The following POLR1A variants were observed in gnomAD, a reference collection of about 807,000 sequenced individuals.
POLR1A encodes the protein RNA polymerase I subunit A.
Under a neutral mutation model 205.3 loss-of-function variants are expected in POLR1A, and 84 were observed. That is an observed-to-expected ratio of 0.41 (90% CI 0.34 to 0.49). The LOEUF (loss-of-function observed/expected upper bound fraction) is 0.49, where lower values mean the gene tolerates loss of function less well. POLR1A is among the 20% of genes least tolerant of loss of function. POLR1A has a pLI of 0.22. For synonymous variants in POLR1A, 799 were observed against 863.7 expected (o/e 0.93, Z 1.31); for missense variants, 1,645 against 2,204.5 (o/e 0.75, Z 5.08).
Position 86,045,777 on chromosome 2 carries a change from A to T in POLR1A, c.2734-8T>A. On this transcript the variant is annotated splice_region_variant and splice_polypyrimidine_tract_variant and intron_variant, in intron 19 of 33. Coordinates refer to ENST00000263857, the MANE Select transcript of POLR1A (RefSeq NM_015425.6). ...GCCCAGCAGGCACGAGATCTGGAGG[A>T]CAGGAAATCCACAGGAAACTGAAGA... 2 of 1,601,734 alleles carry T rather than the reference A, an allele frequency of 1.2e-6. No homozygotes were observed. Among genetic ancestry groups the T allele is most frequent in the Non-Finnish European group, 1.7e-6 (2 of 1,176,976 alleles).
chr2:86,100,184 A>C lies in POLR1A; in HGVS notation c.78-12T>G, dbSNP rs1673787114. 1 of 1,603,314 alleles carries C rather than the reference A, an allele frequency of 6.2e-7. No individual in the cohort carries two copies. The highest frequency in any genetic ancestry group is 8.5e-7 in the Non-Finnish European group (1 of 1,170,098). On this transcript the variant is annotated splice_polypyrimidine_tract_variant and intron_variant, in intron 1 of 33. Transcript: ENST00000263857. ...TAACACTTAATTTCCTAAGGGGATA[A>C]AAAAGACCAAGAGGAAAGCTAAAGT...
chr2:86,099,295 T>C (rs1673768289), intron 2 of POLR1A, among the ~76,000 whole-genome samples: 1 of 151,366 alleles, frequency 6.6e-6, no homozygotes, highest in African/African-American at 2.4e-5. Context: ...AGGCAGAGGT[T>C]ACAGTGAGCC....
Position 86,045,355 on chromosome 2 carries a change from G to T in POLR1A, c.2892C>A (p.Phe964Leu). ...CTCGTCCTGCCATGCAGTGGAAGAA[G>T]AACTCCTGCAGAGAATGGGACCCAG... ...RFLTGIKPPE[F>L]FFHCMAGREG... is the part of the protein sequence containing the mutation. The change falls in exon 21 of 34, where the codon TTC becomes TTA. Residue 964 changes from phenylalanine to leucine, a missense_variant. Phe to Leu is a conservative substitution (Grantham distance 22, BLOSUM62 0). Around this residue, in one of 16 missense-constraint regions of POLR1A, gnomAD observed 339 missense variants for 415.1 expected, o/e 0.82. Transcript: ENST00000263857. 6.2e-7 allele frequency: 1 copy of T among 1,612,688 alleles called. No individual in the cohort carries two copies. Among genetic ancestry groups the T allele is most frequent in the Non-Finnish European group, 8.5e-7 (1 of 1,178,712 alleles).
chr2:86,065,676 C>A, intron 13 of POLR1A: 1 of 561,608 alleles, frequency 1.8e-6, no homozygotes, highest in South Asian at 2.3e-5. Flanking sequence ...CTACGTTTGC[C>A]ATTTGCCCAC....
chr2:86,086,945 A>G (rs947618427), intron 6 of POLR1A, among the ~76,000 whole-genome samples: 3 of 152,248 alleles, frequency 2.0e-5, no homozygotes, highest in African/African-American at 7.2e-5. Context: ...CCACTCTTAC[A>G]GTGTTAACTA....
At chr2:86,069,622 C>T (rs964837846) in intron 13 of POLR1A, among the ~76,000 whole-genome samples, 2 of 152,214 alleles carry the variant, frequency 1.3e-5, no homozygotes, top group African/African-American at 2.4e-5. Flanking sequence ...TCTTAAAACT[C>T]ATGTTTGTCA....
At chr2:86,085,636 T>C (rs939676713) in intron 6 of POLR1A, among the ~76,000 whole-genome samples, 1 of 152,182 alleles carries the variant, frequency 6.6e-6, no homozygotes, top group Admixed American at 6.5e-5. Flanking sequence ...ATGCCCCCAC[T>C]GCAGTTTAGT....
At chr2:86,079,961 G>A (rs1022708487) in intron 9 of POLR1A, among the ~76,000 whole-genome samples, 5 of 152,168 alleles carry the variant, frequency 3.3e-5, no homozygotes, top group African/African-American at 1.2e-4. Flanking sequence ...CATGGCTGAT[G>A]TCTTTTACAC....
intron 11 of POLR1A, among the ~76,000 whole-genome samples, chr2:86,077,346 G>A (rs941882614): frequency 3.3e-5 from 5 of 152,158 alleles, no homozygotes; most frequent in Admixed American, 6.5e-5. Flanking sequence ...CCTGAGAAGC[G>A]AAACAGGACC....
rs1044732598 is a variant in POLR1A at position 86,093,753 on chromosome 2, C to A, written c.433-3824G>T. 4.6e-5 allele frequency among the ~76,000 whole-genome samples: 7 copies of A among 152,128 alleles called. No homozygotes were observed. In the South Asian group the frequency reaches 1.0e-3, roughly 23 times the overall value. ...GCTGAGGTGGGAGATCGCTTGAACC[C>A]CGGAGGCAGAGGTTGCAGAGAGCCG... On this transcript the variant is annotated intron_variant, in intron 3 of 33. Transcript: ENST00000263857.
In POLR1A at chr2:86,030,205, C is replaced by G; in HGVS notation, c.4770G>C (p.Lys1590Asn). Residue 1590 changes from lysine to asparagine, a missense_variant, in exon 31 of 34, where the codon AAG becomes AAC. Physicochemically the swap from Lys to Asn is moderately conservative, Grantham distance 94. Around this residue, in one of 16 missense-constraint regions of POLR1A, gnomAD observed 394 missense variants for 468.5 expected, o/e 0.84. Coordinates refer to ENST00000263857, the MANE Select transcript of POLR1A (RefSeq NM_015425.6). Reference protein sequence around the residue: ...TEGINLPELFKYAEVLDLRRL... With the variant: ...TEGINLPELFNYAEVLDLRRL... ...AGACAGCCTGTCTTACCTCTGCATACTTGAATAGCTCTGGGAGGTTGATTC... is the reference window on the plus strand; with the variant it reads ...AGACAGCCTGTCTTACCTCTGCATAGTTGAATAGCTCTGGGAGGTTGATTC... 1 of 1,613,980 alleles carries G rather than the reference C, an allele frequency of 6.2e-7. No homozygotes were observed. The highest frequency in any genetic ancestry group is 8.5e-7 in the Non-Finnish European group (1 of 1,179,790).
intron 12 of POLR1A, among the ~76,000 whole-genome samples, chr2:86,072,983 A>T (rs549927843): frequency 3.3e-5 from 5 of 152,210 alleles, no homozygotes; most frequent in African/African-American, 1.2e-4. Flanking sequence ...GAGGCTGAGG[A>T]GGGCAGATCT....
In POLR1A at chr2:86,052,815, ACCCAAGGTGAAGCCTCT is replaced by A; in HGVS notation, c.2377_2392+1del. Reference sequence around the variant, plus strand: ...CCCCAGGGCAGCGAGCCCGGCACTTACCCAAGGTGAAGCCTCTGTAGAGCTGCAGGTAGGCGGTGAAG... The same window carrying A: ...CCCCAGGGCAGCGAGCCCGGCACTTAGTAGAGCTGCAGGTAGGCGGTGAAG... On this transcript the variant is annotated splice_donor_variant and coding_sequence_variant, in exon 16 of 34. Coordinates refer to ENST00000263857, the MANE Select transcript of POLR1A (RefSeq NM_015425.6). LOFTEE classifies it high-confidence loss of function. 6.6e-7 allele frequency: 1 copy of A among 1,520,424 alleles called. No homozygotes were observed. Among genetic ancestry groups the A allele is most frequent in the Non-Finnish European group, 8.8e-7 (1 of 1,130,420 alleles). The allele number at this position is 1,520,424 out of a possible 1,614,324, so 94.2% of individuals were successfully genotyped here.
intron 6 of POLR1A, 61 bp from the exon 7 acceptor site, chr2:86,083,229 G>A: frequency 2.6e-6 from 3 of 1,156,494 alleles, no homozygotes; most frequent in Non-Finnish European, 3.9e-6. Flanking sequence ...TTTCTGCAAT[G>A]GGATTTATCA....
At chr2:86,048,800 G>C (rs1407900340) in intron 18 of POLR1A, 84 bp downstream of exon 18, 11 of 1,263,338 alleles carry the variant, frequency 8.7e-6, no homozygotes, top group Non-Finnish European at 1.1e-5. Flanking sequence ...TGCTCTGTAG[G>C]GCCCAGGTGA....
chr2:86,048,787 A>G, intron 18 of POLR1A, 97 bp downstream of exon 18: 1 of 1,121,048 alleles, frequency 8.9e-7, no homozygotes, highest in African/African-American at 1.5e-5. Context: ...TCAACAGCCA[A>G]GGTGCTCTGT....
chr2:86,083,171 G>A lies in POLR1A; in HGVS notation c.731-3C>T, dbSNP rs1329963932. 6.2e-7 allele frequency: 1 copy of A among 1,606,688 alleles called. No individual in the cohort carries two copies. On this transcript the variant is annotated splice_region_variant and splice_polypyrimidine_tract_variant and intron_variant, in intron 6 of 33. Transcript: ENST00000263857. ...TCCTATCTGAGCTTCCTCAATTCCT[G>A]GAGCCAAGGAGGAGAATCAAAGTGC...
rs937540973 is a variant in POLR1A, at chr2:86,031,792, G to C, written c.4273-157C>G. 6.6e-5 allele frequency among the ~76,000 whole-genome samples: 10 copies of C among 152,132 alleles called. No individual in the cohort carries two copies. In the East Asian group the frequency reaches 1.9e-3, roughly 29 times the overall value. On this transcript the variant is annotated intron_variant, in intron 29 of 33. Coordinates refer to ENST00000263857, the MANE Select transcript of POLR1A (RefSeq NM_015425.6). ...CGGCTCCTCTGCTCCGGCCTGGTTGGTCTTTCTTCTTCCTTTTGCCTTGAG... is the reference window on the plus strand; with the variant it reads ...CGGCTCCTCTGCTCCGGCCTGGTTGCTCTTTCTTCTTCCTTTTGCCTTGAG...
At chr2:86,089,408 T>C (rs1223199945) in intron 4 of POLR1A, among the ~76,000 whole-genome samples, 2 of 152,228 alleles carry the variant, frequency 1.3e-5, no homozygotes, top group Non-Finnish European at 2.9e-5. Flanking sequence ...TGAAGCAGAT[T>C]CCAAGACTAG....
Sources: allele counts gnomAD v4.1 joint callset (sites outside exome capture counted in the v4.1 genomes callset), GRCh38; gene constraint gnomAD v4.1.1; regional missense constraint gnomAD v4.1.1; transcripts MANE v1.5; gene names NCBI Gene and HGNC (gene_info 2026-07-23, HGNC 2026-07-21).